The following SH3BGRL2 variants were observed in gnomAD, a reference collection of about 807,000 sequenced individuals.
The protein encoded by SH3BGRL2 is SH3 domain-binding glutamic acid-rich-like protein 2.
SH3BGRL2 carries 21 observed loss-of-function variants against 14.8 expected under a neutral mutation model. The observed-to-expected ratio is 1.42, with a 90% CI of 1.01 to 2.05. The LOEUF (loss-of-function observed/expected upper bound fraction) is 2.05, where lower values mean the gene tolerates loss of function less well. Among genes scored for constraint, SH3BGRL2 ranks in the 30% most tolerant of loss-of-function variants. The pLI, the probability that SH3BGRL2 is intolerant of heterozygous loss-of-function variation, is 0.00. For missense variants in SH3BGRL2, 147 were observed against 130.8 expected (o/e 1.12, Z -0.61); for synonymous variants, 50 against 47.8 (o/e 1.05, Z -0.19).
the SH3BGRL2 span, among the ~76,000 whole-genome samples, chr6:79,577,078 T>G: frequency 6.6e-6 from 1 of 152,206 alleles, no homozygotes; most frequent in African/African-American, 2.4e-5. Flanking sequence ...TCTGTCTCTC[T>G]TTTTTGAAAA....
intron 1 of SH3BGRL2, among the ~76,000 whole-genome samples, chr6:79,640,652 G>A (rs991840778): frequency 6.6e-6 from 1 of 151,948 alleles, no homozygotes; most frequent in African/African-American, 2.4e-5. Flanking sequence ...GACCCCTGAA[G>A]TGGAAGGTAT....
rs775928845 is a variant in SH3BGRL2 at position 79,673,689 on chromosome 6, A to G, written c.121A>G (p.Met41Val). 1.6e-5 allele frequency: 26 copies of G among 1,614,042 alleles called. No homozygotes were observed. The Admixed American group carries it at 4.0e-4, about 25-fold the overall frequency. The part of the protein sequence containing the change: ...KIEFEEVDIT[M>V]SEEQRQWMYK... The stretch of plus-strand genomic sequence containing the variant: ...AGAGTTTGAGGAGGTGGATATCACA[A>G]TGTCAGAAGAACAGAGGCAATGGAT... Residue 41 changes from methionine to valine, a missense_variant, in exon 2 of 4, where the codon ATG becomes GTG. Coordinates refer to ENST00000369838, the MANE Select transcript of SH3BGRL2 (RefSeq NM_031469.4).
chr6:79,663,865 T>A (rs1769603545), intron 1 of SH3BGRL2, among the ~76,000 whole-genome samples: 1 of 152,120 alleles, frequency 6.6e-6, no homozygotes, highest in African/African-American at 2.4e-5. Context: ...TACTCAAGCC[T>A]CCCCAGTGGC....
the SH3BGRL2 span, among the ~76,000 whole-genome samples, chr6:79,625,003 C>CA: frequency 6.6e-6 from 1 of 151,694 alleles, no homozygotes; most frequent in Non-Finnish European, 1.5e-5. Context: ...TCCGTGTCTA[C>CA]AAAAAAATTA....
chr6:79,571,621 A>C, the SH3BGRL2 span, among the ~76,000 whole-genome samples: 1 of 152,198 alleles, frequency 6.6e-6, no homozygotes, highest in Non-Finnish European at 1.5e-5. Flanking sequence ...ACCCAACCTA[A>C]GAAATTAAAC....
chr6:79,560,151 A>G, the SH3BGRL2 span, among the ~76,000 whole-genome samples: 3 of 152,164 alleles, frequency 2.0e-5, no homozygotes, highest in Non-Finnish European at 4.4e-5. Context: ...ACCAAAACCT[A>G]ATAATAAGAA....
the SH3BGRL2 span, among the ~76,000 whole-genome samples, chr6:79,598,611 A>G: frequency 3.9e-5 from 6 of 152,142 alleles, no homozygotes; most frequent in Admixed American, 2.6e-4. Flanking sequence ...GGGACTGAGA[A>G]ATAACTGCTA....
At chr6:79,643,470 A>G (rs769863956) in intron 1 of SH3BGRL2, among the ~76,000 whole-genome samples, 10 of 152,248 alleles carry the variant, frequency 6.6e-5, no homozygotes, top group Non-Finnish European at 1.5e-4. Context: ...AATTGTAGGC[A>G]TGATGTCCTT....
intron 1 of SH3BGRL2, among the ~76,000 whole-genome samples, chr6:79,671,684 A>C (rs774325736): frequency 1.3e-5 from 2 of 152,214 alleles, no homozygotes; most frequent in African/African-American, 2.4e-5. Context: ...AGTGCTCTTG[A>C]TGGCTTCCTG....
At chr6:79,578,500 G>A in the SH3BGRL2 span, among the ~76,000 whole-genome samples, 363 of 152,290 alleles carry the variant, frequency 2.4e-3, 1 homozygote, top group Non-Finnish European at 4.1e-3. Flanking sequence ...TGATACCCAG[G>A]AAAACAGCAT....
the SH3BGRL2 span, among the ~76,000 whole-genome samples, chr6:79,537,690 G>A: frequency 6.6e-6 from 1 of 152,340 alleles, no homozygotes; most frequent in East Asian, 1.9e-4. Context: ...TGGGCTCCGA[G>A]AGGGACGCGG....
At chr6:79,575,129 T>A in the SH3BGRL2 span, 1 of 152,236 alleles carries the variant, frequency 6.6e-6, no homozygotes, top group African/African-American at 2.4e-5. Flanking sequence ...AACAAAGAAC[T>A]ACAGCCATCT....
At chr6:79,570,441 G>A in the SH3BGRL2 span, among the ~76,000 whole-genome samples, 3 of 152,158 alleles carry the variant, frequency 2.0e-5, no homozygotes, top group Non-Finnish European at 4.4e-5. Flanking sequence ...TGGACTAGGA[G>A]TAAAATACTG....
At chr6:79,682,418 A>C (rs181216056) in intron 2 of SH3BGRL2, among the ~76,000 whole-genome samples, 21 of 152,324 alleles carry the variant, frequency 1.4e-4, no homozygotes, top group African/African-American at 4.3e-4. Flanking sequence ...AAAATATATG[A>C]TCACAAGACA....
At chr6:79,585,722 C>T in the SH3BGRL2 span, among the ~76,000 whole-genome samples, 67 of 151,818 alleles carry the variant, frequency 4.4e-4, no homozygotes, top group African/African-American at 1.4e-3. Flanking sequence ...ACATTCATTT[C>T]TTCCTACCTT....
the SH3BGRL2 span, among the ~76,000 whole-genome samples, chr6:79,566,444 T>C: frequency 6.6e-6 from 1 of 152,302 alleles, no homozygotes; most frequent in East Asian, 1.9e-4. Flanking sequence ...TCTCACTTCA[T>C]GCTTCCAGTT....
In SH3BGRL2 at chr6:79,699,556, G is replaced by C. The variant is rs918816278; in HGVS notation, c.*47G>C. On this transcript the variant is annotated 3_prime_UTR_variant, in exon 4 of 4. Transcript: ENST00000369838. The stretch of plus-strand genomic sequence containing the variant: ...GGAGATGCATTTTGAAGCACCCCTG[G>C]TACTCAGCACACACATGCTTACCTA... 6.6e-7 allele frequency: 1 copy of C among 1,518,502 alleles called. No homozygotes were observed. The highest frequency in any genetic ancestry group is 8.8e-7 in the Non-Finnish European group (1 of 1,140,560). 94.1% of individuals were successfully genotyped at this position (1,518,502 alleles called of 1,614,324 possible).
At chr6:79,642,844 A>G (rs1033397944) in intron 1 of SH3BGRL2, among the ~76,000 whole-genome samples, 1 of 152,184 alleles carries the variant, frequency 6.6e-6, no homozygotes, top group Non-Finnish European at 1.5e-5. Context: ...TTTAATGAAG[A>G]TGAATGGAAT....
At chr6:79,649,985 T>TCTCTCTCACACACACACACA (rs765159303) in intron 1 of SH3BGRL2, among the ~76,000 whole-genome samples, 2 of 141,980 alleles carry the variant, frequency 1.4e-5, no homozygotes, top group Non-Finnish European at 3.0e-5. Context: ...TCTCTCTCTC[T>TCTCTCTCACACACACACACA]CACACACACA....
Sources: gnomAD v4.1 joint callset for allele counts (sites outside exome capture counted in the v4.1 genomes callset) on GRCh38, gnomAD v4.1.1 for gene constraint, MANE v1.5 for transcripts, NCBI Gene and HGNC (gene_info 2026-07-23, HGNC 2026-07-21) for gene names.